EXOC4: variants seen among roughly 807,000 people sequenced by gnomAD.
EXOC4 encodes the protein SEC8-like 1.
A neutral mutation model predicts 107.2 loss-of-function variants in EXOC4; 71 were observed. The ratio of observed to expected loss-of-function variants is 0.66; its 90% CI spans 0.55 to 0.81. The LOEUF is 0.81. Among genes scored for constraint, EXOC4 ranks in the 30% least tolerant of loss-of-function variants. EXOC4 has a pLI of 0.00. For synonymous variants in EXOC4, 456 were observed against 441.2 expected, an observed-to-expected ratio of 1.03 and a Z score of -0.42; for missense variants, 1,108 against 1,189.6, an observed-to-expected ratio of 0.93 and a Z score of 1.01.
intron 10 of EXOC4, among the ~76,000 whole-genome samples, chr7:133,693,011 C>T (rs947416053): frequency 6.6e-6 from 1 of 152,074 alleles, no homozygotes; most frequent in Non-Finnish European, 1.5e-5. Context: ...TACCATGCCC[C>T]TTGTATTAGG....
At chr7:133,856,953 T>G (rs970303000) in intron 11 of EXOC4, among the ~76,000 whole-genome samples, 1 of 149,584 alleles carries the variant, frequency 6.7e-6, no homozygotes, top group African/African-American at 2.5e-5. Context: ...ACAAAAAAAT[T>G]AGGCCTGGTG....
At chr7:133,692,905 T>C (rs1794452122) in intron 10 of EXOC4, among the ~76,000 whole-genome samples, 1 of 152,212 alleles carries the variant, frequency 6.6e-6, no homozygotes, top group Admixed American at 6.5e-5. Context: ...CTTCACATGT[T>C]ATTTTATTCC....
intron 5 of EXOC4, among the ~76,000 whole-genome samples, chr7:133,339,281 A>G (rs1244308864): frequency 6.6e-6 from 1 of 151,568 alleles, no homozygotes; most frequent in Admixed American, 6.6e-5. Flanking sequence ...TCTCTGCTTT[A>G]TGTTTTTGTT....
At chr7:133,407,337 C>T (rs891112726) in intron 7 of EXOC4, among the ~76,000 whole-genome samples, 2 of 152,186 alleles carry the variant, frequency 1.3e-5, no homozygotes, top group South Asian at 4.1e-4. Context: ...CATGTCTTAG[C>T]TTAATATGAA....
intron 10 of EXOC4, among the ~76,000 whole-genome samples, chr7:133,666,438 T>G (rs1319300961): frequency 6.6e-6 from 1 of 152,110 alleles, no homozygotes; most frequent in Non-Finnish European, 1.5e-5. Context: ...GGTGGACATT[T>G]TGTAGAGTCC....
At chr7:133,985,394 C>G (rs975073847) in intron 14 of EXOC4, among the ~76,000 whole-genome samples, 2 of 152,144 alleles carry the variant, frequency 1.3e-5, no homozygotes, top group Non-Finnish European at 2.9e-5. Context: ...TACACCTGCT[C>G]CAAGAATTAA....
At chr7:133,977,732 G>GTTGT (rs367857901) in intron 14 of EXOC4, among the ~76,000 whole-genome samples, 2,415 of 43,104 alleles carry the variant, frequency 0.056, 73 homozygotes, top group African/African-American at 0.24. Flanking sequence ...AGTTGGTTTT[G>GTTGT]TTGTTTTGTG....
chr7:133,564,282 G>T (rs967982509), intron 9 of EXOC4, among the ~76,000 whole-genome samples: 1 of 152,110 alleles, frequency 6.6e-6, no homozygotes, highest in African/African-American at 2.4e-5. Context: ...GGCCGGGGTA[G>T]AAGCAAGAGA....
chr7:133,849,675 C>T (rs974554623), intron 11 of EXOC4, among the ~76,000 whole-genome samples: 5 of 152,168 alleles, frequency 3.3e-5, no homozygotes, highest in African/African-American at 1.2e-4. Context: ...TGGCTGATTT[C>T]ATTTTCTCTC....
At chr7:133,517,926 A>C (rs1799910014) in intron 9 of EXOC4, among the ~76,000 whole-genome samples, 1 of 152,128 alleles carries the variant, frequency 6.6e-6, no homozygotes, top group Non-Finnish European at 1.5e-5. Context: ...GGATTAAAAC[A>C]TCAAACATTT....
At chr7:133,710,325 A>G (rs1794858608) in intron 10 of EXOC4, among the ~76,000 whole-genome samples, 1 of 152,140 alleles carries the variant, frequency 6.6e-6, no homozygotes, top group Non-Finnish European at 1.5e-5. Flanking sequence ...GATTTCACTC[A>G]GTGATGAGAT....
chr7:133,636,161 T>A (rs1294332369), intron 10 of EXOC4, among the ~76,000 whole-genome samples: 1 of 152,182 alleles, frequency 6.6e-6, no homozygotes, highest in Non-Finnish European at 1.5e-5. Flanking sequence ...GGAAAAACAT[T>A]CATTAAGTGT....
At chr7:133,853,952 T>C (rs1223935272) in intron 11 of EXOC4, among the ~76,000 whole-genome samples, 1 of 152,146 alleles carries the variant, frequency 6.6e-6, no homozygotes, top group Non-Finnish European at 1.5e-5. Flanking sequence ...CAGCAGTTTA[T>C]AGTCCCTAGG....
At chr7:133,391,960 A>G (rs1257349713) in intron 7 of EXOC4, among the ~76,000 whole-genome samples, 5 of 152,230 alleles carry the variant, frequency 3.3e-5, no homozygotes, top group African/African-American at 1.2e-4. Context: ...ATCTTTAGAA[A>G]TTCAAGTAAC....
Position 133,609,902 on chromosome 7 carries a change from T to C in EXOC4, c.1418-20143T>C, listed in dbSNP as rs1802038677. Among the ~76,000 whole-genome samples the C allele has an allele frequency of 3.3e-5, 5 of 152,338 alleles. No homozygotes were observed. In the South Asian group the frequency reaches 1.0e-3, roughly 32 times the overall value. ...CTCTAGCCTCTCTCACAGAGCTGGT[T>C]ATTAAACATTGACCAAGACATCAGT... On this transcript the variant is annotated intron_variant, in intron 9 of 17. Coordinates refer to ENST00000253861, the MANE Select transcript of EXOC4 (RefSeq NM_021807.4).
At chr7:133,799,700 A>G (rs753313035) in intron 10 of EXOC4, among the ~76,000 whole-genome samples, 1 of 152,308 alleles carries the variant, frequency 6.6e-6, no homozygotes, top group South Asian at 2.1e-4. Context: ...AAAGCCATTG[A>G]AAGTTTTTGA....
chr7:133,699,612 C>A (rs1794612574), intron 10 of EXOC4, among the ~76,000 whole-genome samples: 2 of 152,086 alleles, frequency 1.3e-5, no homozygotes, highest in Non-Finnish European at 2.9e-5. Flanking sequence ...GTGGTTTTGG[C>A]AGTCTCTTAT....
intron 12 of EXOC4, among the ~76,000 whole-genome samples, chr7:133,915,430 G>A (rs970392608): frequency 5.3e-5 from 8 of 152,200 alleles, no homozygotes; most frequent in African/African-American, 1.9e-4. Context: ...GTTGGGGGTA[G>A]GAGGTCAAAT....
At chr7:133,884,581 CTGTGTGTGTGTGTGTGTGTGTGTGTG>C (rs34350149) in intron 11 of EXOC4, among the ~76,000 whole-genome samples, 2 of 143,632 alleles carry the variant, frequency 1.4e-5, no homozygotes, top group African/African-American at 2.6e-5. Context: ...GCCCTATGCT[CTGTGTGTGTGTGTGTGTGTGTGTGTG>C]TGTGTGTGTG....
Sources: allele counts gnomAD v4.1 joint callset (sites outside exome capture counted in the v4.1 genomes callset), GRCh38; gene constraint gnomAD v4.1.1; transcripts MANE v1.5; gene names NCBI Gene and HGNC (gene_info 2026-07-23, HGNC 2026-07-21).